ZNF860: variants seen among roughly 807,000 people sequenced by gnomAD.
The protein encoded by ZNF860 is zinc finger protein 860.
For synonymous variants in ZNF860, 206 were observed against 248.9 expected, an observed-to-expected ratio of 0.83 and a Z score of 1.62; for missense variants, 641 against 759.2, an observed-to-expected ratio of 0.84 and a Z score of 1.83.
chr3:31,985,206 T>C (rs1289002187), intron 1 of ZNF860, among the ~76,000 whole-genome samples: 1 of 152,194 alleles, frequency 6.6e-6, no homozygotes, highest in Non-Finnish European at 1.5e-5. Flanking sequence ...ACCATTGCAC[T>C]CCAGCCTGGG....
In ZNF860 at chr3:31,989,054, G is replaced by A; in HGVS notation, c.-26G>A. 1 of 1,613,330 alleles carries A rather than the reference G, an allele frequency of 6.2e-7. No homozygotes were observed. Among genetic ancestry groups the A allele is most frequent in the Non-Finnish European group, 8.5e-7 (1 of 1,179,586 alleles). On this transcript the variant is annotated 5_prime_UTR_variant, in exon 2 of 2. Coordinates refer to ENST00000360311, the MANE Select transcript of ZNF860 (RefSeq NM_001137674.3). Reference sequence around the variant, plus strand: ...AGATCGCCTCAGTGAAGGTCACACTGCAGCACTATTGATTTCTAAAGACTC... The same window carrying A: ...AGATCGCCTCAGTGAAGGTCACACTACAGCACTATTGATTTCTAAAGACTC...
downstream of ZNF860, among the ~76,000 whole-genome samples, chr3:31,993,099 G>A (rs57434781): frequency 0.34 from 52,087 of 151,732 alleles, 12,466 homozygotes; most frequent in African/African-American, 0.67. Flanking sequence ...TGCAAATCAT[G>A]TGTTTGACCA....
chr3:32,002,329 A>G, the ZNF860 span, among the ~76,000 whole-genome samples: 1 of 152,198 alleles, frequency 6.6e-6, no homozygotes, highest in Non-Finnish European at 1.5e-5. Context: ...AAGAGACCAC[A>G]CACCAGGAGA....
At chr3:32,001,602 G>A in the ZNF860 span, among the ~76,000 whole-genome samples, 5 of 152,298 alleles carry the variant, frequency 3.3e-5, no homozygotes, top group South Asian at 6.2e-4. Flanking sequence ...TTTATATTCT[G>A]TACCAGAGAA....
intron 1 of ZNF860, among the ~76,000 whole-genome samples, chr3:31,988,256 G>A (rs1028672964): frequency 1.3e-5 from 2 of 152,166 alleles, no homozygotes; most frequent in Non-Finnish European, 2.9e-5. Flanking sequence ...GGCACTTACG[G>A]AGCTAAACTT....
chr3:31,989,137 C>T lies in ZNF860; in HGVS notation c.58C>T (p.Pro20Ser), dbSNP rs774254717. 5.6e-6 allele frequency: 9 copies of T among 1,614,122 alleles called. No homozygotes were observed. In the East Asian group the frequency reaches 2.0e-4, roughly 36 times the overall value. ...AGAAAAGGAGCCAGGCATGGCTCTTCCTCAGGGACACTTGACTTTTAGGGA... is the reference window on the plus strand; with the variant it reads ...AGAAAAGGAGCCAGGCATGGCTCTTTCTCAGGGACACTTGACTTTTAGGGA... ...RKEKEPGMAL[P>S]QGHLTFRDVA... The change falls in exon 2 of 2, where the codon CCT becomes TCT. Residue 20 changes from proline to serine, a missense_variant. By Grantham distance (74) the Pro-to-Ser change is moderately conservative. Coordinates refer to ENST00000360311, the MANE Select transcript of ZNF860 (RefSeq NM_001137674.3).
In ZNF860 at chr3:31,989,116, A is replaced by G. The variant is rs758904217; in HGVS notation, c.37A>G (p.Lys13Glu). The change falls in exon 2 of 2, where the codon AAG becomes GAG. Residue 13 changes from lysine to glutamate, a missense_variant. Transcript: ENST00000360311. Reference protein sequence around the residue: ...REEAAQKRKEKEPGMALPQGH... With the variant: ...REEAAQKRKEEEPGMALPQGH... ...GGAAGCAGCTCAGAAGAGGAAAGAA[A>G]AGGAGCCAGGCATGGCTCTTCCTCA... is the stretch of plus-strand genomic sequence containing the variant. The G allele has an allele frequency of 6.2e-7, 1 of 1,614,144 alleles. No individual in the cohort carries two copies. Among genetic ancestry groups the G allele is most frequent in the South Asian group, 1.1e-5 (1 of 91,074 alleles).
downstream of ZNF860, among the ~76,000 whole-genome samples, chr3:31,994,131 C>G (rs1699064214): frequency 6.6e-6 from 1 of 152,162 alleles, no homozygotes; most frequent in Non-Finnish European, 1.5e-5. Flanking sequence ...CAGACTCAAC[C>G]ACACACTATA....
the ZNF860 span, among the ~76,000 whole-genome samples, chr3:32,006,241 C>G: frequency 6.6e-6 from 1 of 152,184 alleles, no homozygotes; most frequent in Non-Finnish European, 1.5e-5. Flanking sequence ...CCACCGCACC[C>G]CTCCATCTTG....
Position 31,990,348 on chromosome 3 carries a change from G to C in ZNF860, c.1269G>C (p.Glu423Asp). Residue 423 changes from glutamate (E) to aspartate (D), a missense_variant, in exon 2 of 2, where the codon GAG (glutamate) becomes GAC (aspartate). Coordinates refer to ENST00000360311, the MANE Select transcript of ZNF860 (RefSeq NM_001137674.3). ...IANHWRIHNEERSYKCNKCGK... is the reference protein window; with the variant it reads ...IANHWRIHNEDRSYKCNKCGK... ...ATCATTGGAGAATCCATAATGAAGA[G>C]AGATCTTACAAGTGTAATAAATGTG... is the stretch of plus-strand genomic sequence containing the variant. The C allele has an allele frequency of 3.1e-6, 5 of 1,614,072 alleles. No homozygotes were observed. Among genetic ancestry groups the C allele is most frequent in the African/African-American group, 2.7e-5 (2 of 75,022 alleles).
the ZNF860 span, among the ~76,000 whole-genome samples, chr3:31,997,966 A>AT: frequency 6.6e-6 from 1 of 151,450 alleles, no homozygotes; most frequent in Admixed American, 6.6e-5. Flanking sequence ...ATTTTGTTTT[A>AT]TTTTTTTGTA....
chr3:31,995,858 A>G (rs764687487), downstream of ZNF860, among the ~76,000 whole-genome samples: 5 of 152,206 alleles, frequency 3.3e-5, no homozygotes, highest in Admixed American at 6.5e-5. Flanking sequence ...ATGAAGTGAC[A>G]TGCAGTTAGT....
At chr3:31,996,035 G>C (rs1699087585), downstream of ZNF860, among the ~76,000 whole-genome samples, 1 of 152,100 alleles carries the variant, frequency 6.6e-6, no homozygotes, top group African/African-American at 2.4e-5. Flanking sequence ...AGACTCCCAG[G>C]GTCACACTGT....
downstream of ZNF860, among the ~76,000 whole-genome samples, chr3:31,995,126 T>C (rs567945792): frequency 3.3e-5 from 5 of 152,236 alleles, no homozygotes; most frequent in South Asian, 1.0e-3. Flanking sequence ...CTGGTAAGGG[T>C]CTATGTTCAG....
At chr3:31,986,616 G>A (rs1398837216) in intron 1 of ZNF860, among the ~76,000 whole-genome samples, 5 of 151,972 alleles carry the variant, frequency 3.3e-5, no homozygotes, top group Non-Finnish European at 7.4e-5. Flanking sequence ...TTTTTTATAC[G>A]AAAAAATACA....
downstream of ZNF860, among the ~76,000 whole-genome samples, chr3:31,994,974 C>G (rs978184437): frequency 6.6e-6 from 1 of 152,046 alleles, no homozygotes; most frequent in Admixed American, 6.6e-5. Flanking sequence ...ACCTGAGCCG[C>G]AAAACCAGTA....
At chr3:31,992,589 T>C (rs1436768603), downstream of ZNF860, among the ~76,000 whole-genome samples, 10 of 152,166 alleles carry the variant, frequency 6.6e-5, no homozygotes, top group Admixed American at 1.3e-4. Flanking sequence ...TGCATCTCCT[T>C]CTCTGACTCT....
At chr3:32,002,996 ACTGT>A in the ZNF860 span, among the ~76,000 whole-genome samples, 129 of 152,334 alleles carry the variant, frequency 8.5e-4, no homozygotes, top group African/African-American at 3.0e-3. Flanking sequence ...GTCAGGGAAG[ACTGT>A]CTGCAGGAGG....
downstream of ZNF860, among the ~76,000 whole-genome samples, chr3:31,993,679 CAT>C (rs559264146): frequency 4.7e-3 from 639 of 135,584 alleles, 3 homozygotes; most frequent in African/African-American, 0.02. Flanking sequence ...ACTACACACA[CAT>C]ACACACACAC....
Sources: allele counts gnomAD v4.1 joint callset (sites outside exome capture counted in the v4.1 genomes callset), GRCh38; gene constraint gnomAD v4.1.1; transcripts MANE v1.5; gene names NCBI Gene and HGNC (gene_info 2026-07-23, HGNC 2026-07-21).